ZNF726: variants seen among roughly 807,000 people sequenced by gnomAD.
The protein encoded by ZNF726 is zinc finger protein 92 pseudogene 3.
Under a neutral mutation model 11.6 loss-of-function variants are expected in ZNF726, and 15 were observed. The ratio of observed to expected loss-of-function variants is 1.29; its 90% CI spans 0.86 to 1.99. ZNF726 has a LOEUF of 1.99. Ranked by LOEUF, ZNF726 falls within the 30% of genes most tolerant of loss-of-function variation. The pLI is 0.00. For synonymous variants in ZNF726, 295 were observed against 243.6 expected, an observed-to-expected ratio of 1.21 and a Z score of -1.96; for missense variants, 890 against 725.6, an observed-to-expected ratio of 1.23 and a Z score of -2.60.
chr19:23,920,198 C>A, intron 3 of ZNF726, 116 bp downstream of exon 3: 1 of 660,768 alleles, frequency 1.5e-6, no homozygotes, highest in Non-Finnish European at 2.4e-6. Context: ...TTCTGGAAAG[C>A]CTGAAATTTA....
rs1428301967 is a variant in ZNF726, at chr19:23,932,995, A to G, written c.879A>G (p.Ala293=). The G allele has an allele frequency of 1.9e-6, 3 of 1,612,200 alleles. No individual in the cohort carries two copies. Among genetic ancestry groups the G allele is most frequent in the Non-Finnish European group, 2.5e-6 (3 of 1,179,710 alleles). The change falls in exon 4 of 4, where the codon GCA becomes GCG. Residue 293 remains alanine, a synonymous_variant. Transcript: ENST00000594466. ...KPCKCEECGK[A]FSQPSALTIH... Reference sequence around the variant, plus strand: ...GCAAATGTGAAGAATGTGGCAAAGCATTTAGCCAACCCTCAGCACTAACCA... The same window carrying G: ...GCAAATGTGAAGAATGTGGCAAAGCGTTTAGCCAACCCTCAGCACTAACCA...
downstream of ZNF726, among the ~76,000 whole-genome samples, chr19:23,936,737 T>C (rs1032638038): frequency 1.3e-5 from 2 of 151,618 alleles, no homozygotes; most frequent in African/African-American, 4.8e-5. Context: ...GTTTGATTTT[T>C]ATTTTTATTT....
chr19:23,935,372 A>G (rs760824076), downstream of ZNF726: 7 of 527,260 alleles, frequency 1.3e-5, no homozygotes, highest in Non-Finnish European at 2.7e-5. Context: ...CTGGACAGCA[A>G]CCCTACAAAT....
chr19:23,918,227 G>C (rs1339760992), intron 1 of ZNF726, among the ~76,000 whole-genome samples: 1 of 152,126 alleles, frequency 6.6e-6, no homozygotes, highest in African/African-American at 2.4e-5. Flanking sequence ...AAGGAAGTCT[G>C]GCCTTGAAAG....
chr19:23,920,137 G>C, intron 3 of ZNF726, 55 bp downstream of exon 3: 1 of 1,279,318 alleles, frequency 7.8e-7, no homozygotes, highest in South Asian at 1.2e-5. Context: ...ACGTCAAGAA[G>C]AAAGCCAGTC....
intron 3 of ZNF726, chr19:23,920,620 T>C (rs1967821885): frequency 6.5e-6 from 1 of 153,536 alleles, no homozygotes; most frequent in African/African-American, 2.4e-5. Context: ...AGTTTCATCA[T>C]GTTGGCCAGG....
At chr19:23,943,684 TC>T (rs1301540211) in intron 4 of ZNF726, 23 of 435,556 alleles carry the variant, frequency 5.3e-5, no homozygotes, top group Non-Finnish European at 7.4e-5. Flanking sequence ...ATGCTCTGCT[TC>T]AGTGGAAAGA....
intron 3 of ZNF726, among the ~76,000 whole-genome samples, chr19:23,927,183 T>C (rs957874872): frequency 1.3e-5 from 2 of 151,752 alleles, no homozygotes; most frequent in Non-Finnish European, 2.9e-5. Flanking sequence ...CCCAGGCTGG[T>C]TTAGAATTCC....
chr19:23,938,061 G>T (rs1422150548), downstream of ZNF726, among the ~76,000 whole-genome samples: 1 of 152,130 alleles, frequency 6.6e-6, no homozygotes, highest in Non-Finnish European at 1.5e-5. Context: ...AATGGTGTAG[G>T]TAAAAGATGG....
At chr19:23,925,716 T>G (rs1323720842) in intron 3 of ZNF726, among the ~76,000 whole-genome samples, 1 of 146,490 alleles carries the variant, frequency 6.8e-6, no homozygotes, top group East Asian at 1.9e-4. Flanking sequence ...TTCTTTTCTT[T>G]TTTTTTTTTT....
chr19:23,917,394 G>A (rs560424378), intron 1 of ZNF726, among the ~76,000 whole-genome samples: 1 of 152,054 alleles, frequency 6.6e-6, no homozygotes, highest in South Asian at 2.1e-4. Context: ...CTTTCTCAGA[G>A]TGAGTTTAGA....
At chr19:23,921,386 A>G (rs1967847769) in intron 3 of ZNF726, 1 of 152,270 alleles carries the variant, frequency 6.6e-6, no homozygotes, top group Non-Finnish European at 1.5e-5. Flanking sequence ...TTCAAAATTT[A>G]TTGTGGTTTC....
rs2144992600 is a variant in ZNF726 at position 23,934,002 on chromosome 19, G to A, written c.*35G>A. ...TAAAAAGGGTAAAGAATGTGGCAAA[G>A]CATTTATATGGTCCTCAACGCTAAA... On this transcript the variant is annotated 3_prime_UTR_variant, in exon 4 of 4. Transcript: ENST00000594466. The A allele has an allele frequency of 6.6e-7, 1 of 1,525,556 alleles. No homozygotes were observed. The highest frequency in any genetic ancestry group is 2.5e-5 in the East Asian group (1 of 39,880). 94.5% of individuals were successfully genotyped at this position (1,525,556 alleles called of 1,614,324 possible).
intron 1 of ZNF726, among the ~76,000 whole-genome samples, chr19:23,916,061 G>C (rs1006146072): frequency 1.3e-5 from 2 of 152,098 alleles, no homozygotes; most frequent in Middle Eastern, 3.2e-3. Flanking sequence ...AGGGACTAGA[G>C]CCACCTCAAT....
At chr19:23,922,631 G>A (rs1242774518) in intron 3 of ZNF726, among the ~76,000 whole-genome samples, 1 of 152,206 alleles carries the variant, frequency 6.6e-6, no homozygotes, top group African/African-American at 2.4e-5. Context: ...AACCTGAACG[G>A]AGGCCTGCCT....
intron 3 of ZNF726, among the ~76,000 whole-genome samples, chr19:23,939,788 T>C (rs1968306987): frequency 6.6e-6 from 1 of 152,174 alleles, no homozygotes; most frequent in Non-Finnish European, 1.5e-5. Context: ...TGTTGAACTT[T>C]TTAAATGTTT....
At chr19:23,943,497 T>A (rs1350687002) in exon 4 of ZNF726, 1 of 625,570 alleles carries the variant, frequency 1.6e-6, no homozygotes, top group Non-Finnish European at 3.0e-6. Flanking sequence ...AAAACAGGCC[T>A]TGCTGTCTCT....
chr19:23,941,507 A>G (rs1599478005), intron 3 of ZNF726, among the ~76,000 whole-genome samples: 2 of 152,004 alleles, frequency 1.3e-5, no homozygotes, highest in African/African-American at 2.4e-5. Context: ...TGAATTAGGG[A>G]GGGTTCCTTC....
rs189973612 is a variant in ZNF726, at chr19:23,930,069, G to A, written c.227-2274G>A. Among the ~76,000 whole-genome samples the A allele has an allele frequency of 4.8e-4, 73 of 152,286 alleles. 2 individuals are homozygous for A. Among genetic ancestry groups the A allele is most frequent in the Admixed American group, 7.8e-4 (12 of 15,296 alleles). On this transcript the variant is annotated intron_variant, in intron 3 of 3. Transcript: ENST00000594466. The stretch of plus-strand genomic sequence containing the variant: ...TTGGCCTCCTAAAACTGTAAAATTA[G>A]AGGCATGAGCCACGGTGCCTGGCCA...
Sources: allele counts gnomAD v4.1 joint callset (sites outside exome capture counted in the v4.1 genomes callset), GRCh38; gene constraint gnomAD v4.1.1; transcripts MANE v1.5; gene names NCBI Gene and HGNC (gene_info 2026-07-23, HGNC 2026-07-21).